SGMS1: variants seen among roughly 807,000 people sequenced by gnomAD.
SGMS1 encodes sphingomyelin synthase 1.
In SGMS1, 13 loss-of-function variants were observed where a neutral mutation model predicts 46.2. The ratio of observed to expected loss-of-function variants is 0.28; its 90% CI spans 0.18 to 0.45. The LOEUF (loss-of-function observed/expected upper bound fraction) is 0.45. Among genes scored for constraint, SGMS1 ranks in the 20% least tolerant of loss-of-function variants. The pLI is 1.00. For missense variants in SGMS1, 324 were observed against 519.9 expected, an observed-to-expected ratio of 0.62 and a Z score of 3.66; for synonymous variants, 203 against 187.8, an observed-to-expected ratio of 1.08 and a Z score of -0.66.
intron 2 of SGMS1, among the ~76,000 whole-genome samples, chr10:50,549,359 C>A (rs1838129384): frequency 6.6e-6 from 1 of 152,142 alleles, no homozygotes; most frequent in South Asian, 2.1e-4. Flanking sequence ...TACTACGAAG[C>A]CATAAAAAGG....
At chr10:50,613,510 C>T (rs1273686582) in intron 1 of SGMS1, among the ~76,000 whole-genome samples, 1 of 152,230 alleles carries the variant, frequency 6.6e-6, no homozygotes, top group African/African-American at 2.4e-5. Context: ...TGTCTCCACA[C>T]CTGAACAGGC....
At chr10:50,402,959 T>C (rs1343886784) in intron 6 of SGMS1, among the ~76,000 whole-genome samples, 1 of 152,188 alleles carries the variant, frequency 6.6e-6, no homozygotes, top group East Asian at 1.9e-4. Context: ...CTCCCACTTA[T>C]ATGTGAGAAC....
intron 3 of SGMS1, chr10:50,472,916 C>A (rs1837390938): frequency 6.6e-6 from 1 of 152,134 alleles, no homozygotes; most frequent in African/African-American, 2.4e-5. Flanking sequence ...AATGCCCTTC[C>A]TCTATCCTGC....
intron 6 of SGMS1, among the ~76,000 whole-genome samples, chr10:50,353,954 T>C (rs1043858781): frequency 2.0e-4 from 31 of 152,286 alleles, no homozygotes; most frequent in African/African-American, 7.2e-4. Flanking sequence ...TACAAACAAA[T>C]GGAAGAACAT....
intron 2 of SGMS1, among the ~76,000 whole-genome samples, chr10:50,531,340 C>A (rs933108636): frequency 5.9e-5 from 9 of 151,934 alleles, no homozygotes; most frequent in African/African-American, 2.2e-4. Flanking sequence ...AAAAGCTATT[C>A]TATCTGTTCG....
chr10:50,544,699 A>AT (rs1838085022), intron 2 of SGMS1, among the ~76,000 whole-genome samples: 1 of 152,230 alleles, frequency 6.6e-6, no homozygotes, highest in African/African-American at 2.4e-5. Flanking sequence ...TTTTGAAGAT[A>AT]TGAGATAAAC....
intron 7 of SGMS1, among the ~76,000 whole-genome samples, chr10:50,329,165 C>T (rs1354547033): frequency 1.3e-5 from 2 of 152,218 alleles, no homozygotes; most frequent in African/African-American, 4.8e-5. Flanking sequence ...CATACTCACA[C>T]ACACACCACC....
intron 3 of SGMS1, among the ~76,000 whole-genome samples, chr10:50,488,310 C>T (rs1000037569): frequency 1.3e-5 from 2 of 152,080 alleles, no homozygotes; most frequent in African/African-American, 2.4e-5. Flanking sequence ...CCACTGCACT[C>T]GGCCTATTTC....
chr10:50,326,118 C>A (rs12254110), intron 8 of SGMS1, among the ~76,000 whole-genome samples: 2,228 of 151,464 alleles, frequency 0.015, 59 homozygotes, highest in African/African-American at 0.052. Context: ...TATGACAGCT[C>A]TTCCAGAGGT....
intron 3 of SGMS1, among the ~76,000 whole-genome samples, chr10:50,487,652 T>C (rs1471675380): frequency 6.6e-6 from 1 of 152,204 alleles, no homozygotes; most frequent in African/African-American, 2.4e-5. Context: ...ATATACTACC[T>C]CATAATCTTT....
At chr10:50,316,235 T>C (rs761394753) in intron 8 of SGMS1, among the ~76,000 whole-genome samples, 11 of 152,200 alleles carry the variant, frequency 7.2e-5, no homozygotes, top group Non-Finnish European at 8.8e-5. Context: ...ATGGCTTTCA[T>C]AGCTTTGACA....
chr10:50,487,985 T>TTTTTTTTA (rs1554943920), intron 3 of SGMS1, among the ~76,000 whole-genome samples: 17 of 139,034 alleles, frequency 1.2e-4, no homozygotes, highest in South Asian at 2.4e-4. Flanking sequence ...TTTGTTTTTA[T>TTTTTTTTA]TTTATTTATT....
chr10:50,501,391 A>G (rs1554944927), intron 3 of SGMS1, among the ~76,000 whole-genome samples: 1 of 152,226 alleles, frequency 6.6e-6, no homozygotes, highest in Non-Finnish European at 1.5e-5. Context: ...TATTTTCTAC[A>G]TTTTATATAA....
chr10:50,590,028 A>G (rs1838525538), intron 2 of SGMS1, 125 bp downstream of exon 2: 1 of 152,338 alleles, frequency 6.6e-6, no homozygotes, highest in African/African-American at 2.4e-5. Context: ...AAAATGTGGC[A>G]AAATGCTAAT....
At chr10:50,599,551 T>C (rs566867258) in intron 1 of SGMS1, among the ~76,000 whole-genome samples, 2 of 152,184 alleles carry the variant, frequency 1.3e-5, no homozygotes, top group East Asian at 1.9e-4. Flanking sequence ...ATTAACAGAA[T>C]GGGATGTATA....
At chr10:50,463,551 A>T (rs1039461814) in intron 4 of SGMS1, among the ~76,000 whole-genome samples, 1 of 152,222 alleles carries the variant, frequency 6.6e-6, no homozygotes, top group Non-Finnish European at 1.5e-5. Context: ...GGAGAAGTTG[A>T]TCGGAATATT....
chr10:50,364,842 T>C (rs1015580420), intron 6 of SGMS1, among the ~76,000 whole-genome samples: 2 of 152,200 alleles, frequency 1.3e-5, no homozygotes, highest in Non-Finnish European at 2.9e-5. Context: ...TGCTACCCAG[T>C]AGTAGTTACA....
intron 2 of SGMS1, among the ~76,000 whole-genome samples, chr10:50,549,808 T>A (rs1838133394): frequency 6.6e-6 from 1 of 152,178 alleles, no homozygotes; most frequent in African/African-American, 2.4e-5. Flanking sequence ...CCCAGGTTTA[T>A]GCAAAAGAAA....
intron 1 of SGMS1, among the ~76,000 whole-genome samples, chr10:50,594,652 G>A (rs1003067526): frequency 6.6e-5 from 10 of 152,222 alleles, no homozygotes; most frequent in African/African-American, 2.4e-4. Flanking sequence ...TTTCTTAGAT[G>A]AAAATAGTAA....
Sources: gnomAD v4.1 joint callset for allele counts (sites outside exome capture counted in the v4.1 genomes callset) on GRCh38, gnomAD v4.1.1 for gene constraint, MANE v1.5 for transcripts, NCBI Gene and HGNC (gene_info 2026-07-23, HGNC 2026-07-21) for gene names.